The following TRMT11 variants were observed in gnomAD, a reference collection of about 807,000 sequenced individuals.
TRMT11 encodes tRNA methyltransferase 11, also known as tRNA (guanine(10)-N(2))-methyltransferase TRMT11.
In TRMT11, 53 loss-of-function variants were observed where a neutral mutation model predicts 62.8. The observed-to-expected ratio is 0.84, with a 90% confidence interval of 0.68 to 1.06. TRMT11 has a LOEUF of 1.06. Ranked by LOEUF, TRMT11 falls within the 50% of genes least tolerant of loss-of-function variation. The pLI, the probability that TRMT11 is intolerant of heterozygous loss-of-function variation, is 0.00. For missense variants in TRMT11, 556 were observed against 553.4 expected (o/e 1.00, Z -0.05); for synonymous variants, 188 against 190.3 (o/e 0.99, Z 0.10).
Position 126,030,408 on chromosome 6 carries a change from C to G in TRMT11, c.1261-8297C>G, listed in dbSNP as rs570842674. On this transcript the variant is annotated intron_variant, in intron 12 of 12. Transcript: ENST00000334379. The stretch of plus-strand genomic sequence containing the variant: ...CTCTGCTGATTAAAAGAAAATAAAC[C>G]GACCCATTGTTTTTCTCTTCCATCT... Among the ~76,000 whole-genome samples, 5 of 152,108 alleles carry G rather than the reference C, an allele frequency of 3.3e-5. 1 individual carries two copies. The highest frequency in any genetic ancestry group is 3.3e-4 in the Admixed American group (5 of 15,248).
intron 21 of TRMT11, among the ~76,000 whole-genome samples, chr6:126,158,760 G>T (rs1445891627): frequency 6.6e-6 from 1 of 152,180 alleles, no homozygotes; most frequent in Non-Finnish European, 1.5e-5. Flanking sequence ...AGCAATTTCT[G>T]TGGCTCTATC....
chr6:126,151,809 T>TCTTTCTTTCTTTCTTTCTTTAGTTTC (rs1778046429), intron 21 of TRMT11, among the ~76,000 whole-genome samples: 10 of 81,522 alleles, frequency 1.2e-4, no homozygotes, highest in African/African-American at 4.5e-4. Context: ...CTCTGTCTTT[T>TCTTTCTTTCTTTCTTTCTTTAGTTTC]CTTTCTTTCT....
At chr6:126,039,649 C>G (rs1775806862), downstream of TRMT11, among the ~76,000 whole-genome samples, 1 of 152,072 alleles carries the variant, frequency 6.6e-6, no homozygotes, top group African/African-American at 2.4e-5. Flanking sequence ...AGAAACTTTG[C>G]TGAGTCCACA....
the TRMT11 span, among the ~76,000 whole-genome samples, chr6:126,243,661 A>G: frequency 6.6e-6 from 1 of 152,210 alleles, no homozygotes; most frequent in Non-Finnish European, 1.5e-5. Context: ...GGAAACCATC[A>G]TTCTCAGCAA....
intron 17 of TRMT11, among the ~76,000 whole-genome samples, chr6:126,082,469 G>C (rs1418753254): frequency 6.6e-6 from 1 of 151,964 alleles, no homozygotes; most frequent in Non-Finnish European, 1.5e-5. Flanking sequence ...TGGAAGACTT[G>C]GTTGCCACCT....
intron 17 of TRMT11, among the ~76,000 whole-genome samples, chr6:126,110,258 C>T (rs1258612844): frequency 1.3e-5 from 2 of 152,244 alleles, no homozygotes; most frequent in East Asian, 3.9e-4. Context: ...AACTATACAT[C>T]ACTTGGGCAG....
chr6:126,155,845 C>T (rs1034827754), intron 21 of TRMT11, among the ~76,000 whole-genome samples: 2 of 152,104 alleles, frequency 1.3e-5, no homozygotes, highest in African/African-American at 4.8e-5. Context: ...CTCAGCCTTC[C>T]AAGTAGCTGG....
chr6:125,990,098 A>G (rs908135812), intron 1 of TRMT11, among the ~76,000 whole-genome samples: 4 of 152,132 alleles, frequency 2.6e-5, no homozygotes, highest in Admixed American at 2.6e-4. Flanking sequence ...ATCCCCTTCA[A>G]TGTAGAAAGC....
At chr6:126,140,180 G>A (rs1228446429) in intron 21 of TRMT11, among the ~76,000 whole-genome samples, 1 of 151,552 alleles carries the variant, frequency 6.6e-6, no homozygotes, top group Non-Finnish European at 1.5e-5. Flanking sequence ...ATGGAGAATT[G>A]GTAGGTTCTC....
chr6:126,265,493 A>G, the TRMT11 span, among the ~76,000 whole-genome samples: 4 of 151,966 alleles, frequency 2.6e-5, no homozygotes, highest in Non-Finnish European at 4.4e-5. Context: ...TGAAACATCT[A>G]AAACAAAATA....
chr6:126,008,899 A>G (rs995229327), intron 8 of TRMT11, among the ~76,000 whole-genome samples: 1 of 151,884 alleles, frequency 6.6e-6, no homozygotes, highest in Non-Finnish European at 1.5e-5. Context: ...TTCAAATACA[A>G]AATTGTGATA....
intron 17 of TRMT11, among the ~76,000 whole-genome samples, chr6:126,096,360 C>G (rs1411989707): frequency 6.6e-6 from 1 of 152,090 alleles, no homozygotes; most frequent in African/African-American, 2.4e-5. Flanking sequence ...TTTTCTGGAT[C>G]TGCACAATGG....
At chr6:126,255,621 T>C in the TRMT11 span, among the ~76,000 whole-genome samples, 1 of 152,212 alleles carries the variant, frequency 6.6e-6, no homozygotes, top group African/African-American at 2.4e-5. Context: ...CCATGAAATG[T>C]CAGCAATGAT....
rs568675376 is a variant in TRMT11 at position 126,076,068 on chromosome 6, C to T, written c.*1437+22878C>T. ...TTGTCAACTAGAATTGTATGCATCC[C>T]CTTTTTCTACTTAGTGTGCTATTAA... On this transcript the variant is annotated intron_variant and NMD_transcript_variant, in intron 17 of 22. Transcript: ENST00000648977. Among the ~76,000 whole-genome samples, 162 of 152,090 alleles carry T rather than the reference C, an allele frequency of 1.1e-3. 1 individual carries two copies. Among genetic ancestry groups the T allele is most frequent in the Middle Eastern group, 3.4e-3 (1 of 294 alleles).
chr6:126,038,829 A>G lies in TRMT11; in HGVS notation c.1385A>G (p.Gln462Arg). The G allele has an allele frequency of 6.3e-7, 1 of 1,591,396 alleles. No homozygotes were observed. The highest frequency in any genetic ancestry group is 8.5e-7 in the Non-Finnish European group (1 of 1,172,760). ...KRIAKEEKST[Q>R]E ...ATTGCCAAGGAAGAAAAATCCACCC[A>G]GGAATGAAAATTAAGATTTTGACAA... Residue 462 changes from glutamine (Q) to arginine (R), a missense_variant, in exon 13 of 13, where the codon CAG (glutamine) becomes CGG (arginine). By Grantham distance (43) the Gln-to-Arg change is conservative. Transcript: ENST00000334379.
At chr6:126,252,574 G>T in the TRMT11 span, among the ~76,000 whole-genome samples, 1 of 152,130 alleles carries the variant, frequency 6.6e-6, no homozygotes, top group African/African-American at 2.4e-5. Context: ...AAGAGTATCC[G>T]CAAATTTCTG....
Position 126,038,988 on chromosome 6 carries a change from T to G in TRMT11, c.*152T>G, listed in dbSNP as rs540523408. 1.6e-6 allele frequency: 1 copy of G among 619,334 alleles called. No individual in the cohort carries two copies. 38.4% of individuals were successfully genotyped at this position (619,334 alleles called of 1,614,324 possible). ...AGTAAATTGAGCAATGCTTTTAAAG[T>G]TATCTTTGTTTTATAGACTTTTTTG... On this transcript the variant is annotated 3_prime_UTR_variant, in exon 13 of 13. Transcript: ENST00000334379.
intron 12 of TRMT11, among the ~76,000 whole-genome samples, chr6:126,030,257 G>A (rs1241525400): frequency 6.6e-6 from 1 of 152,164 alleles, no homozygotes; most frequent in African/African-American, 2.4e-5. Context: ...AGTACCAGAT[G>A]TAGAACAGTG....
At chr6:126,028,662 T>G (rs1390354481) in intron 12 of TRMT11, among the ~76,000 whole-genome samples, 1 of 152,154 alleles carries the variant, frequency 6.6e-6, no homozygotes, top group Non-Finnish European at 1.5e-5. Context: ...CTTTTATACT[T>G]AGGCAAATAA....
Sources: gnomAD v4.1 joint callset for allele counts (sites outside exome capture counted in the v4.1 genomes callset) on GRCh38, gnomAD v4.1.1 for gene constraint, MANE v1.5 for transcripts, NCBI Gene and HGNC (gene_info 2026-07-23, HGNC 2026-07-21) for gene names.